SMIM36: variants seen among roughly 807,000 people sequenced by gnomAD.
SMIM36 encodes small integral membrane protein 36.
intron 1 of SMIM36, among the ~76,000 whole-genome samples, chr17:55,488,897 C>CCAT (rs59012291): frequency 9.9e-4 from 149 of 150,844 alleles, no homozygotes; most frequent in East Asian, 4.7e-3. Context: ...TACTCATTTT[C>CCAT]CATCATCATC....
intron 4 of SMIM36, among the ~76,000 whole-genome samples, chr17:55,460,199 G>A (rs1214996504): frequency 6.6e-6 from 1 of 152,054 alleles, no homozygotes; most frequent in Non-Finnish European, 1.5e-5. Flanking sequence ...GGAGGCCGAG[G>A]CAGGTGGATC....
At chr17:55,451,881 G>A (rs898676177) in intron 4 of SMIM36, among the ~76,000 whole-genome samples, 5 of 152,096 alleles carry the variant, frequency 3.3e-5, no homozygotes, top group Admixed American at 6.5e-5. Flanking sequence ...AGGACCACTT[G>A]AGGCCAGGAG....
intron 1 of SMIM36, among the ~76,000 whole-genome samples, chr17:55,485,583 C>T (rs1263766898): frequency 1.3e-5 from 2 of 152,012 alleles, no homozygotes; most frequent in Non-Finnish European, 2.9e-5. Flanking sequence ...GCCACTGTGT[C>T]CAGCAGAAAA....
intron 3 of SMIM36, among the ~76,000 whole-genome samples, chr17:55,477,381 G>A (rs556867539): frequency 6.6e-6 from 1 of 152,212 alleles, no homozygotes; most frequent in African/African-American, 2.4e-5. Flanking sequence ...CTGGCTTAGA[G>A]ATGCATCATT....
chr17:55,531,623 A>C, the SMIM36 span, among the ~76,000 whole-genome samples: 1 of 152,222 alleles, frequency 6.6e-6, no homozygotes, highest in Non-Finnish European at 1.5e-5. Context: ...GTACCGAAAG[A>C]AATCAATGTC....
the SMIM36 span, among the ~76,000 whole-genome samples, chr17:55,522,330 C>T: frequency 6.6e-6 from 1 of 152,282 alleles, no homozygotes; most frequent in East Asian, 1.9e-4. Flanking sequence ...CATGACCATT[C>T]CTTATAAAAG....
chr17:55,488,764 A>G (rs1909651341), intron 1 of SMIM36, among the ~76,000 whole-genome samples: 1 of 152,266 alleles, frequency 6.6e-6, no homozygotes, highest in South Asian at 2.1e-4. Flanking sequence ...TCCATAGAGG[A>G]CATTTTTGCA....
the SMIM36 span, among the ~76,000 whole-genome samples, chr17:55,521,362 G>A: frequency 6.6e-6 from 1 of 152,240 alleles, no homozygotes; most frequent in Admixed American, 6.5e-5. Flanking sequence ...CCTGTTTTAG[G>A]GATAACAAAT....
At chr17:55,513,090 G>A (rs1312119467), upstream of SMIM36, among the ~76,000 whole-genome samples, 1 of 152,178 alleles carries the variant, frequency 6.6e-6, no homozygotes, top group Non-Finnish European at 1.5e-5. Context: ...TTTAGGGTCA[G>A]CCTTATTGGA....
At chr17:55,515,084 G>GTTTTTTTTTTTT (rs1567874075), upstream of SMIM36, among the ~76,000 whole-genome samples, 3 of 56,104 alleles carry the variant, frequency 5.3e-5, 1 homozygote. Flanking sequence ...TTCTAGTCTA[G>GTTTTTTTTTTTT]TGTTTTTTTT....
chr17:55,525,825 T>G, the SMIM36 span, among the ~76,000 whole-genome samples: 2 of 152,076 alleles, frequency 1.3e-5, no homozygotes, highest in African/African-American at 4.8e-5. Flanking sequence ...GCCTGGCTAA[T>G]TTTTGTATTT....
exon 4 of SMIM36, chr17:55,467,202 G>A (rs1449387060): frequency 6.6e-6 from 1 of 152,264 alleles, no homozygotes; most frequent in Non-Finnish European, 1.5e-5. Flanking sequence ...CCCTAAGGAT[G>A]GTTTCCCATG....
chr17:55,492,305 C>T (rs111408646), intron 1 of SMIM36, among the ~76,000 whole-genome samples: 29 of 136,600 alleles, frequency 2.1e-4, no homozygotes, highest in East Asian at 1.3e-3. Flanking sequence ...TGCAATGGCG[C>T]GACCTTGGCT....
chr17:55,497,355 C>T (rs1274120663), intron 1 of SMIM36, among the ~76,000 whole-genome samples: 5 of 152,080 alleles, frequency 3.3e-5, no homozygotes, highest in Non-Finnish European at 4.4e-5. Context: ...ACTTCTGCCT[C>T]CCGGGTTCAA....
In SMIM36 at chr17:55,501,010, T is replaced by TAA. The variant is rs1567870716; in HGVS notation, c.*174+9868_*174+9869insTT. On this transcript the variant is annotated intron_variant, in intron 1 of 4. Coordinates refer to ENST00000636752, the Ensembl canonical transcript of SMIM36. ...ATATATTATAATATGTAACATATTA[T>TAA]TATATTTTGTAATATATAATATATT... is the stretch of plus-strand genomic sequence containing the variant. 2.3e-3 allele frequency among the ~76,000 whole-genome samples: 136 copies of TAA among 58,334 alleles called. 39 individuals are homozygous for TAA. Among genetic ancestry groups the TAA allele is most frequent in the African/African-American group, 7.3e-3 (87 of 11,958 alleles). 38.3% of individuals were successfully genotyped at this position (58,334 alleles called of 152,430 possible). A position where few individuals can be genotyped will look rare whatever the true frequency, so the allele number is the denominator to read the frequency against.
intron 1 of SMIM36, among the ~76,000 whole-genome samples, chr17:55,495,012 T>C (rs1359143536): frequency 1.3e-5 from 2 of 152,238 alleles, no homozygotes; most frequent in African/African-American, 4.8e-5. Context: ...ATAGTCTTTT[T>C]CTGCCACTTG....
chr17:55,474,531 A>G (rs1411113740), intron 3 of SMIM36, among the ~76,000 whole-genome samples: 1 of 111,474 alleles, frequency 9.0e-6, no homozygotes, highest in East Asian at 2.1e-4. Flanking sequence ...TGCCTACTCC[A>G]TTTGAGTGGA....
the SMIM36 span, among the ~76,000 whole-genome samples, chr17:55,526,244 G>A: frequency 0.34 from 52,190 of 151,886 alleles, 9,117 homozygotes; most frequent in East Asian, 0.51. Flanking sequence ...CCCGGCTTCA[G>A]GCGATCCTCT....
At chr17:55,474,562 G>T (rs1029243128) in intron 3 of SMIM36, among the ~76,000 whole-genome samples, 11 of 152,168 alleles carry the variant, frequency 7.2e-5, no homozygotes, top group African/African-American at 2.7e-4. Context: ...GATCACCCAC[G>T]GCATGCCCGT....
Sources: gnomAD v4.1 joint callset for allele counts (sites outside exome capture counted in the v4.1 genomes callset) on GRCh38, gnomAD v4.1.1 for gene constraint, MANE v1.5 for transcripts, NCBI Gene and HGNC (gene_info 2026-07-23, HGNC 2026-07-21) for gene names.